PROX1: variants seen among roughly 807,000 people sequenced by gnomAD.
PROX1 encodes prospero homeobox protein 1.
PROX1 carries 7 observed loss-of-function variants against 58.8 expected under a neutral mutation model. That is an observed-to-expected ratio of 0.12 (90% CI 0.07 to 0.22). The LOEUF (loss-of-function observed/expected upper bound fraction) is 0.22, where lower values mean the gene tolerates loss of function less well. PROX1 is among the 10% of genes least tolerant of loss of function. The pLI, the probability that PROX1 is intolerant of heterozygous loss-of-function variation, is 1.00. For synonymous variants in PROX1, 350 were observed against 358.3 expected (o/e 0.98, Z 0.26); for missense variants, 675 against 927.8 (o/e 0.73, Z 3.54).
In PROX1 at chr1:213,997,825, C is replaced by T; in HGVS notation, c.1290C>T (p.Ala430=). ...ACACCTTTGGCAATGTGCAGATGGC[C>T]AGTTCCACTGACCAGACAGAAGCAC... is the stretch of plus-strand genomic sequence containing the variant. ...PLDTFGNVQM[A]SSTDQTEALP... The change falls in exon 2 of 5, where the codon GCC becomes GCT. Residue 430 remains alanine (A), a synonymous_variant. Coordinates refer to ENST00000366958, the MANE Select transcript of PROX1 (RefSeq NM_001270616.2). The surrounding 1 kb of genome is among the most constrained non-coding windows in gnomAD (Gnocchi z 7.1). The T allele has an allele frequency of 6.2e-7, 1 of 1,614,206 alleles. No homozygotes were observed. The highest frequency in any genetic ancestry group is 8.5e-7 in the Non-Finnish European group (1 of 1,180,038).
chr1:213,995,303 G>A (rs1407348464), intron 1 of PROX1, among the ~76,000 whole-genome samples: 4 of 152,188 alleles, frequency 2.6e-5, no homozygotes, highest in African/African-American at 9.6e-5. Flanking sequence ...GTTACACAAT[G>A]TCAAGTGCCT....
At chr1:213,984,062 C>T (rs1461269036), upstream of PROX1, 3 of 152,224 alleles carry the variant, frequency 2.0e-5, no homozygotes, top group African/African-American at 7.2e-5. Flanking sequence ...GAGGCAAAGC[C>T]AGGGTTGGCG....
chr1:213,994,791 A>ATC (rs1663190470), intron 1 of PROX1, among the ~76,000 whole-genome samples: 4 of 81,888 alleles, frequency 4.9e-5, no homozygotes, highest in Admixed American at 1.3e-4. Flanking sequence ...ATATATATAT[A>ATC]TATATATATA....
At chr1:214,023,668 G>T (rs759781401) in intron 4 of PROX1, among the ~76,000 whole-genome samples, 18 of 152,162 alleles carry the variant, frequency 1.2e-4, no homozygotes, top group Admixed American at 3.3e-4. Flanking sequence ...AGATTGTTTT[G>T]TATGTGTGAG....
At chr1:214,005,336 C>A in intron 3 of PROX1, 64 bp downstream of exon 3, 1 of 1,282,506 alleles carries the variant, frequency 7.8e-7, no homozygotes, top group South Asian at 1.3e-5. Flanking sequence ...TTTGAACTCC[C>A]GGAAGTTAAT....
chr1:214,034,485 G>T (rs1263968722), intron 4 of PROX1, among the ~76,000 whole-genome samples: 1 of 152,160 alleles, frequency 6.6e-6, no homozygotes, highest in East Asian at 1.9e-4. Flanking sequence ...CCCACTAAAA[G>T]AAATCTACTA....
rs1052628691 is a variant in PROX1 at position 214,037,666 on chromosome 1, A to T, written c.*1832A>T. The stretch of plus-strand genomic sequence containing the variant: ...AGGGTGCAGCCACACGGGCGGGGGC[A>T]CCAGCCACCTCACTCTGCACCCGCG... On this transcript the variant is annotated 3_prime_UTR_variant, in exon 5 of 5. Coordinates refer to ENST00000366958, the MANE Select transcript of PROX1 (RefSeq NM_001270616.2). 1.3e-5 allele frequency: 2 copies of T among 152,280 alleles called. No individual in the cohort carries two copies. Among genetic ancestry groups the T allele is most frequent in the Admixed American group, 1.3e-4 (2 of 15,272 alleles). 9.4% of individuals were successfully genotyped at this position (152,280 alleles called of 1,614,324 possible).
At position 213,996,888 on chromosome 1, in the gene PROX1, G is replaced by A; in HGVS notation, c.353G>A (p.Ser118Asn). ...AGTTTCCAAGCCAGCGGTCTCTCTAGTACAGGCTCCGAAGTACATCAGGAG... is the reference window on the plus strand; with the variant it reads ...AGTTTCCAAGCCAGCGGTCTCTCTAATACAGGCTCCGAAGTACATCAGGAG... Reference protein sequence around the residue: ...EPSFQASGLSSTGSEVHQEDI... With the variant: ...EPSFQASGLSNTGSEVHQEDI... The change falls in exon 2 of 5, where the codon AGT becomes AAT. Residue 118 changes from serine (S) to asparagine (N), a missense_variant. By Grantham distance (46) the Ser-to-Asn change is conservative. Around this residue, in one of 8 missense-constraint regions of PROX1, gnomAD observed 157 missense variants for 197.8 expected, o/e 0.79. Transcript: ENST00000366958. 1.2e-6 allele frequency: 2 copies of A among 1,614,094 alleles called. No individual in the cohort carries two copies. Among genetic ancestry groups the A allele is most frequent in the Non-Finnish European group, 1.7e-6 (2 of 1,180,014 alleles).
chr1:214,007,680 A>C (rs1663763961), intron 3 of PROX1, among the ~76,000 whole-genome samples: 1 of 152,234 alleles, frequency 6.6e-6, no homozygotes, highest in Non-Finnish European at 1.5e-5. Flanking sequence ...GTGCATGTGC[A>C]TGGGTTCACA....
Position 214,023,152 on chromosome 1 carries a change from G to C in PROX1, c.2028+11437G>C, listed in dbSNP as rs540658743. ...AATTGGCACTATCATTAGACTTGCT[G>C]CTCACTTTATTTGTTGCCTTGGCCA... On this transcript the variant is annotated intron_variant, in intron 4 of 4. Coordinates refer to ENST00000366958, the MANE Select transcript of PROX1 (RefSeq NM_001270616.2). Among the ~76,000 whole-genome samples, 228 of 152,266 alleles carry C rather than the reference G, an allele frequency of 1.5e-3. 1 individual carries two copies. The highest frequency in any genetic ancestry group is 2.5e-3 in the Non-Finnish European group (169 of 68,022).
At chr1:213,999,355 T>C (rs1266311629) in intron 2 of PROX1, among the ~76,000 whole-genome samples, 1 of 152,138 alleles carries the variant, frequency 6.6e-6, no homozygotes, top group African/African-American at 2.4e-5. Flanking sequence ...GGATATAAAA[T>C]TTAGCAATTA....
chr1:213,999,004 T>A (rs1176046188), intron 2 of PROX1, among the ~76,000 whole-genome samples: 1 of 152,232 alleles, frequency 6.6e-6, no homozygotes, highest in Non-Finnish European at 1.5e-5. Flanking sequence ...TGTTCAGCCA[T>A]ACACAGAAAT....
intron 4 of PROX1, among the ~76,000 whole-genome samples, chr1:214,012,575 C>T (rs1368397122): frequency 6.6e-6 from 1 of 152,194 alleles, no homozygotes; most frequent in Non-Finnish European, 1.5e-5. Context: ...TCCCAGTACT[C>T]ACAAAGGCAT....
intron 4 of PROX1, among the ~76,000 whole-genome samples, chr1:214,013,571 G>GT (rs879547127): frequency 2.5e-4 from 1 of 3,952 alleles, no homozygotes; most frequent in Non-Finnish European, 0.018. Context: ...GCGCACGAGG[G>GT]TTTTCGGGTT....
upstream of PROX1, chr1:213,986,113 T>C (rs535171913): frequency 7.2e-5 from 11 of 152,372 alleles, no homozygotes; most frequent in Middle Eastern, 3.4e-3. Flanking sequence ...GTCCTGTATC[T>C]AATGGGCATG....
intron 4 of PROX1, among the ~76,000 whole-genome samples, chr1:214,023,117 T>G (rs1664338417): frequency 6.6e-6 from 1 of 152,188 alleles, no homozygotes; most frequent in South Asian, 2.1e-4. Flanking sequence ...CATACACAAT[T>G]TATTGACTGA....
chr1:214,009,677 G>T (rs1436629309), intron 3 of PROX1, among the ~76,000 whole-genome samples: 1 of 151,912 alleles, frequency 6.6e-6, no homozygotes, highest in Non-Finnish European at 1.5e-5. Context: ...GTAAATAATG[G>T]CAAGTGCACT....
At chr1:214,031,199 G>A (rs1269902349) in intron 4 of PROX1, among the ~76,000 whole-genome samples, 1 of 152,192 alleles carries the variant, frequency 6.6e-6, no homozygotes, top group Non-Finnish European at 1.5e-5. Flanking sequence ...GGAGACTCAA[G>A]TCTGTGATGA....
chr1:214,035,840 TCAA>T lies in PROX1; in HGVS notation c.*11_*13del, dbSNP rs751861068. The T allele has an allele frequency of 1.9e-6, 3 of 1,604,794 alleles. No individual in the cohort carries two copies. In the East Asian group the frequency reaches 6.7e-5, roughly 36 times the overall value. On this transcript the variant is annotated 3_prime_UTR_variant, in exon 5 of 5. Transcript: ENST00000366958. Reference sequence around the variant, plus strand: ...AAGAGCTGCTTCATGAGTAGAAATTTCAACAACTCTTTTTGAATGTATGAAGAG... The same window carrying T: ...AAGAGCTGCTTCATGAGTAGAAATTTCAACTCTTTTTGAATGTATGAAGAG...
Sources: allele counts gnomAD v4.1 joint callset (sites outside exome capture counted in the v4.1 genomes callset), GRCh38; gene constraint gnomAD v4.1.1; regional missense constraint gnomAD v4.1.1; non-coding constraint Gnocchi (gnomAD v3.1); transcripts MANE v1.5; gene names NCBI Gene and HGNC (gene_info 2026-07-23, HGNC 2026-07-21).